Variants in POM121 observed in about 807,000 individuals in gnomAD.
POM121 encodes the protein nuclear envelope pore membrane protein POM 121.
Under a neutral mutation model 81.3 loss-of-function variants are expected in POM121, and 32 were observed. The observed-to-expected ratio is 0.39, with a 90% CI of 0.30 to 0.53. The LOEUF is 0.53. Among genes scored for constraint, POM121 ranks in the 20% least tolerant of loss-of-function variants. The pLI, the probability that POM121 is intolerant of heterozygous loss-of-function variation, is 0.66. For synonymous variants in POM121, 514 were observed against 694.2 expected, an observed-to-expected ratio of 0.74 and a Z score of 4.08; for missense variants, 1,138 against 1,614.6, an observed-to-expected ratio of 0.70 and a Z score of 5.06.
chr7:72,945,427 C>A (rs1258625945), intron 11 of POM121, among the ~76,000 whole-genome samples, 159 bp from the exon 12 acceptor site: 2 of 151,966 alleles, frequency 1.3e-5, no homozygotes, highest in Non-Finnish European at 2.9e-5. Context: ...CATGAAGACT[C>A]GGTTGTCTGG....
chr7:72,893,292 C>A (rs1220209635), intron 3 of POM121, among the ~76,000 whole-genome samples: 1 of 151,766 alleles, frequency 6.6e-6, no homozygotes, highest in Admixed American at 6.6e-5. Flanking sequence ...GGTTAAAAAC[C>A]ACGTAACATG....
chr7:72,946,432 G>A lies in POM121; in HGVS notation c.*198G>A, dbSNP rs1228715620. On this transcript the variant is annotated 3_prime_UTR_variant, in exon 13 of 13. Transcript: ENST00000434423. ...CACAAGCCTCAGGGAAGGGGAAGCA[G>A]GATGCGGAGGGCCAAAGCCCGGGAC... 7.1e-7 allele frequency: 1 copy of A among 1,412,838 alleles called. No individual in the cohort carries two copies. The highest frequency in any genetic ancestry group is 9.3e-7 in the Non-Finnish European group (1 of 1,080,728). The allele number at this position is 1,412,838 out of a possible 1,614,324, so 87.5% of individuals were successfully genotyped here.
In POM121 at chr7:72,943,028, C is replaced by T. The variant is rs542693697; in HGVS notation, c.3035C>T (p.Pro1012Leu). ...APAAAPTPAP[P>L]SMIKVVPAYV... Reference sequence around the variant, plus strand: ...GCTGCTGCACCCACACCTGCACCTCCGTCCATGATCAAGGTCGTGCCTGCG... The same window carrying T: ...GCTGCTGCACCCACACCTGCACCTCTGTCCATGATCAAGGTCGTGCCTGCG... Residue 1012 changes from proline (P) to leucine (L), a missense_variant, in exon 11 of 13, where the codon CCG (proline) becomes CTG (leucine). Around this residue, in one of 7 missense-constraint regions of POM121, gnomAD observed 336 missense variants for 344.3 expected, o/e 0.98. Coordinates refer to ENST00000434423, the MANE Select transcript of POM121 (RefSeq NM_001387691.1). 2.1e-5 allele frequency: 34 copies of T among 1,613,892 alleles called. No homozygotes were observed. Among genetic ancestry groups the T allele is most frequent in the Admixed American group, 6.7e-5 (4 of 60,010 alleles).
At chr7:72,930,222 A>G in intron 5 of POM121, 111 bp downstream of exon 5, 1 of 1,380,022 alleles carries the variant, frequency 7.2e-7, no homozygotes, top group Non-Finnish European at 9.6e-7. Context: ...TGGAAGGCCA[A>G]AGCGGGAGGA....
At chr7:72,931,654 T>TC (rs1796034847) in intron 5 of POM121, among the ~76,000 whole-genome samples, 1 of 151,546 alleles carries the variant, frequency 6.6e-6, no homozygotes, top group African/African-American at 2.4e-5. Flanking sequence ...CACTGCAATC[T>TC]CCGCTTCCTG....
upstream of POM121, among the ~76,000 whole-genome samples, chr7:72,923,589 A>ATTTT (rs1187827150): frequency 1.2e-4 from 11 of 88,754 alleles, no homozygotes; most frequent in South Asian, 3.6e-4. Flanking sequence ...CGCCCGGCTA[A>ATTTT]TTTTTTTTTT....
rs782582552 is a variant in POM121, at chr7:72,942,777, C to T, written c.2784C>T (p.Ser928=). ...FSGFGSTLAT[S]APATSSQPTL... is the part of the protein sequence containing the mutation. ...GTTTTGGCAGCACCCTCGCCACCTC[C>T]GCCCCGGCCACCAGCAGCCAGCCCA... The change falls in exon 11 of 13, where the codon TCC becomes TCT. Residue 928 remains serine (S), a synonymous_variant. Coordinates refer to ENST00000434423, the MANE Select transcript of POM121 (RefSeq NM_001387691.1). The T allele has an allele frequency of 6.4e-5, 89 of 1,389,526 alleles. No individual in the cohort carries two copies. Among genetic ancestry groups the T allele is most frequent in the Non-Finnish European group, 7.6e-5 (79 of 1,038,814 alleles). The allele number at this position is 1,389,526 out of a possible 1,614,324, so 86.1% of individuals were successfully genotyped here. A position where few individuals can be genotyped will look rare whatever the true frequency, so the allele number is the denominator to read the frequency against.
intron 1 of POM121, among the ~76,000 whole-genome samples, chr7:72,886,903 G>A (rs1790774034): frequency 6.6e-6 from 1 of 150,430 alleles, no homozygotes; most frequent in Non-Finnish European, 1.5e-5. Context: ...TCTGTTTTGG[G>A]GATCATTGAA....
intron 2 of POM121, among the ~76,000 whole-genome samples, 156 bp downstream of exon 2, chr7:72,926,633 T>C (rs1301967077): frequency 6.6e-6 from 1 of 152,272 alleles, no homozygotes; most frequent in Admixed American, 6.5e-5. Context: ...TGTTTTTCAC[T>C]TTTTGCTCTT....
intron 3 of POM121, among the ~76,000 whole-genome samples, chr7:72,901,574 C>T (rs537453980): frequency 2.6e-5 from 4 of 151,972 alleles, no homozygotes; most frequent in Admixed American, 6.6e-5. Flanking sequence ...AGGCTGGTTT[C>T]GAACTCCTGA....
At chr7:72,948,640 C>T (rs782599417), downstream of POM121, 3 of 1,603,408 alleles carry the variant, frequency 1.9e-6, no homozygotes, top group Non-Finnish European at 2.6e-6. Context: ...CCATCCTGCG[C>T]CTCCCAAGCA....
rs1172248639 is a variant in POM121 at position 72,925,278 on chromosome 7, G to T, written c.157G>T (p.Ala53Ser). The change falls in exon 1 of 13, where the codon GCT becomes TCT. Residue 53 changes from alanine to serine, a missense_variant. This residue lies in a region of POM121 where 646 missense variants were observed against 633.5 expected (regional missense o/e 1.02). Transcript: ENST00000434423. ...CTTACTGTACCTCGTGCCGGCTGCG[G>T]CTGCACTGGCCTGGCTGACCGTGGG... The part of the protein sequence containing the change: ...GLLLYLVPAA[A>S]ALAWLTVGAT... 1.3e-6 allele frequency: 2 copies of T among 1,534,542 alleles called. No homozygotes were observed. The highest frequency in any genetic ancestry group is 1.7e-6 in the Non-Finnish European group (2 of 1,146,476).
chr7:72,938,447 T>G, intron 5 of POM121, 143 bp from the exon 6 acceptor site: 1 of 1,038,548 alleles, frequency 9.6e-7, no homozygotes, highest in Non-Finnish European at 1.5e-6. Flanking sequence ...CACCTTGGCC[T>G]CCCAGCATGC....
In POM121 at chr7:72,938,604, T is replaced by C. The variant is rs782617002; in HGVS notation, c.1290T>C (p.Asn430=). 6.2e-7 allele frequency: 1 copy of C among 1,613,848 alleles called. No homozygotes were observed. Among genetic ancestry groups the C allele is most frequent in the Non-Finnish European group, 8.5e-7 (1 of 1,179,808 alleles). ...TRGISQLWKR[N]GPSSSPFSSP... is the part of the protein sequence containing the mutation. ...TTGATTTTTAGCTCTGGAAGAGAAA[T>C]GGCCCCAGTTCATCACCCTTCTCTA... The change falls in exon 6 of 13, where the codon AAT becomes AAC. Residue 430 remains asparagine (N), a synonymous_variant. Coordinates refer to ENST00000434423, the MANE Select transcript of POM121 (RefSeq NM_001387691.1).
intron 5 of POM121, among the ~76,000 whole-genome samples, chr7:72,936,366 G>C (rs1261527863): frequency 4.7e-5 from 7 of 150,012 alleles, no homozygotes; most frequent in Non-Finnish European, 5.9e-5. Flanking sequence ...ACGGAGTCTT[G>C]CTCTGTCTCC....
chr7:72,911,591 G>A (rs1276044576), intron 3 of POM121, among the ~76,000 whole-genome samples: 4 of 152,170 alleles, frequency 2.6e-5, no homozygotes, highest in Non-Finnish European at 5.9e-5. Flanking sequence ...TTGCGCTCTG[G>A]CTCGTGCGAC....
chr7:72,942,906 A>G lies in POM121; in HGVS notation c.2913A>G (p.Ala971=). ...ATCCGGGAGCCAACCCCCAGCCCGC[A>G]TTTGGGGCCGCTGAGGGGCAGCCAC... ...PSYPGANPQP[A]FGAAEGQPPG... Residue 971 remains alanine, a synonymous_variant, in exon 11 of 13, where the codon GCA becomes GCG. Coordinates refer to ENST00000434423, the MANE Select transcript of POM121 (RefSeq NM_001387691.1). 6.2e-7 allele frequency: 1 copy of G among 1,601,164 alleles called. No homozygotes were observed.
rs1554503242 is a variant in POM121, at chr7:72,946,282, C to A, written c.*48C>A. 1 of 1,602,804 alleles carries A rather than the reference C, an allele frequency of 6.2e-7. No homozygotes were observed. The highest frequency in any genetic ancestry group is 8.5e-7 in the Non-Finnish European group (1 of 1,175,348). On this transcript the variant is annotated 3_prime_UTR_variant, in exon 13 of 13. Coordinates refer to ENST00000434423, the MANE Select transcript of POM121 (RefSeq NM_001387691.1). Reference sequence around the variant, plus strand: ...CCCCCACCCCTTCCCTAAATCTGGACCTTGGCACCTGCTAGGAAGAGCCTT... The same window carrying A: ...CCCCCACCCCTTCCCTAAATCTGGAACTTGGCACCTGCTAGGAAGAGCCTT...
chr7:72,916,220 G>A (rs1586126006), intron 4 of POM121, among the ~76,000 whole-genome samples: 1 of 152,188 alleles, frequency 6.6e-6, no homozygotes, highest in East Asian at 1.9e-4. Context: ...ATTGCTTTTG[G>A]TGTTTTAGTC....
Sources: allele counts gnomAD v4.1 joint callset (sites outside exome capture counted in the v4.1 genomes callset), GRCh38; gene constraint gnomAD v4.1.1; regional missense constraint gnomAD v4.1.1; transcripts MANE v1.5; gene names NCBI Gene and HGNC (gene_info 2026-07-23, HGNC 2026-07-21).